FAIM: variants seen among roughly 807,000 people sequenced by gnomAD.
FAIM encodes the protein fas apoptotic inhibitory molecule 1.
Under a neutral mutation model 21.2 loss-of-function variants are expected in FAIM, and 14 were observed. The observed-to-expected ratio is 0.66, with a 90% CI of 0.44 to 1.03. FAIM has a LOEUF of 1.03. Among genes scored for constraint, FAIM ranks in the 50% least tolerant of loss-of-function variants. The probability of loss-of-function intolerance (pLI) is 0.00; values close to 1 mark genes in which losing one functional copy is unlikely to be tolerated. For missense variants in FAIM, 222 were observed against 247.1 expected (o/e 0.90, Z 0.68); for synonymous variants, 86 against 80.4 (o/e 1.07, Z -0.37).
At chr3:138,621,366 G>A in intron 2 of FAIM, 41 bp from the exon 3 acceptor site, 1 of 1,586,028 alleles carries the variant, frequency 6.3e-7, no homozygotes, top group Non-Finnish European at 8.6e-7. Flanking sequence ...TATTTAATTA[G>A]TATTTTGGCC....
intron 1 of FAIM, among the ~76,000 whole-genome samples, chr3:138,610,450 AT>A (rs2042755061): frequency 6.6e-6 from 1 of 152,222 alleles, no homozygotes; most frequent in Admixed American, 6.5e-5. Context: ...TTAAATTTAC[AT>A]TTTAATAAAA....
At chr3:138,615,207 G>A (rs2042814079) in intron 1 of FAIM, among the ~76,000 whole-genome samples, 1 of 152,184 alleles carries the variant, frequency 6.6e-6, no homozygotes. Flanking sequence ...TAGTGAAAGT[G>A]AATGGTTGTA....
In FAIM at chr3:138,633,086, T is replaced by C; in HGVS notation, c.*7T>C. 3 of 1,612,052 alleles carry C rather than the reference T, an allele frequency of 1.9e-6. No homozygotes were observed. Among genetic ancestry groups the C allele is most frequent in the Non-Finnish European group, 2.5e-6 (3 of 1,178,976 alleles). On this transcript the variant is annotated 3_prime_UTR_variant, in exon 6 of 6. Coordinates refer to ENST00000360570, the MANE Select transcript of FAIM (RefSeq NM_001033031.2). ...CCCAGAGATTGCAAGTTAATGAATT[T>C]TCATCTTAAGAAGTAAAGATCAGGA...
At chr3:138,632,277 T>C (rs575548824) in intron 5 of FAIM, among the ~76,000 whole-genome samples, 3 of 152,044 alleles carry the variant, frequency 2.0e-5, no homozygotes, top group Non-Finnish European at 4.4e-5. Flanking sequence ...TAACATGTAA[T>C]CAGTATAAAA....
At chr3:138,611,965 G>A (rs2108332471) in intron 1 of FAIM, among the ~76,000 whole-genome samples, 1 of 152,240 alleles carries the variant, frequency 6.6e-6, no homozygotes, top group Non-Finnish European at 1.5e-5. Flanking sequence ...CAGCATGAAA[G>A]AGACTGAGAC....
intron 5 of FAIM, among the ~76,000 whole-genome samples, chr3:138,632,673 C>G (rs1237627292): frequency 6.6e-6 from 1 of 152,064 alleles, no homozygotes; most frequent in Non-Finnish European, 1.5e-5. Context: ...AACATAGACA[C>G]ATAGTCATGA....
At chr3:138,612,081 A>AT (rs1364175483) in intron 1 of FAIM, among the ~76,000 whole-genome samples, 6 of 141,590 alleles carry the variant, frequency 4.2e-5, no homozygotes, top group Non-Finnish European at 6.1e-5. Flanking sequence ...CATATTTGTC[A>AT]TTTTTTGTCT....
At chr3:138,614,042 G>A (rs1164258360) in intron 1 of FAIM, among the ~76,000 whole-genome samples, 1 of 152,200 alleles carries the variant, frequency 6.6e-6, no homozygotes, top group Non-Finnish European at 1.5e-5. Flanking sequence ...CTGTTGAAGA[G>A]ACTATTCTTT....
intron 4 of FAIM, among the ~76,000 whole-genome samples, chr3:138,625,808 G>T (rs778060676): frequency 6.6e-6 from 1 of 152,194 alleles, no homozygotes; most frequent in Non-Finnish European, 1.5e-5. Flanking sequence ...GAAGCTCAGA[G>T]TGGTGGTGAC....
intron 5 of FAIM, chr3:138,630,436 T>C (rs1207079496): frequency 6.6e-6 from 1 of 152,136 alleles, no homozygotes; most frequent in Non-Finnish European, 1.5e-5. Context: ...CTGAGCAACA[T>C]AGTGAGACCC....
At chr3:138,609,551 T>TCCCTCCCTCTC (rs1432444891) in intron 1 of FAIM, among the ~76,000 whole-genome samples, 2 of 69,260 alleles carry the variant, frequency 2.9e-5, no homozygotes, top group Non-Finnish European at 5.9e-5. Context: ...TCTCTCTCTC[T>TCCCTCCCTCTC]CTCTCTCTCT....
intron 5 of FAIM, among the ~76,000 whole-genome samples, chr3:138,632,179 T>TTAA (rs2043012782): frequency 6.6e-6 from 1 of 151,240 alleles, no homozygotes; most frequent in African/African-American, 2.4e-5. Flanking sequence ...ATGTGTAATT[T>TTAA]TAATTTATCT....
At chr3:138,625,080 C>A (rs929132152) in intron 4 of FAIM, among the ~76,000 whole-genome samples, 3 of 151,850 alleles carry the variant, frequency 2.0e-5, no homozygotes, top group Non-Finnish European at 2.9e-5. Flanking sequence ...GCGAGAGGAT[C>A]ACTTGAGCCT....
intron 3 of FAIM, 34 bp from the exon 4 acceptor site, chr3:138,622,154 C>T: frequency 6.7e-7 from 1 of 1,493,516 alleles, no homozygotes; most frequent in Non-Finnish European, 9.1e-7. Flanking sequence ...ATTTTTCTTC[C>T]ATTTGTTTCA....
chr3:138,632,114 C>T (rs1338759731), intron 5 of FAIM, among the ~76,000 whole-genome samples: 1 of 151,250 alleles, frequency 6.6e-6, no homozygotes, highest in Non-Finnish European at 1.5e-5. Context: ...AATCTTTTTA[C>T]TCTAGATCAC....
In FAIM at chr3:138,613,078, G is replaced by A. The variant is rs186341565; in HGVS notation, c.-17+4141G>A. Among the ~76,000 whole-genome samples the A allele has an allele frequency of 2.0e-5, 3 of 149,588 alleles. No homozygotes were observed. The East Asian group carries it at 5.9e-4, about 30-fold the overall frequency. ...TGCCCAGGCTGGAGTGCAATGGCAT[G>A]ATCTTGGTTTACTGCAGCCTCCGCC... On this transcript the variant is annotated intron_variant, in intron 1 of 5. Coordinates refer to ENST00000360570, the MANE Select transcript of FAIM (RefSeq NM_001033031.2).
At chr3:138,624,448 C>G (rs528707723) in intron 4 of FAIM, among the ~76,000 whole-genome samples, 1 of 152,126 alleles carries the variant, frequency 6.6e-6, no homozygotes, top group Non-Finnish European at 1.5e-5. Flanking sequence ...TGCTTTTACT[C>G]CTTGTCTGCC....
chr3:138,629,080 CTT>C (rs748581773), intron 4 of FAIM, 25 bp from the exon 5 acceptor site: 1 of 1,552,982 alleles, frequency 6.4e-7, no homozygotes, highest in Admixed American at 1.8e-5. Context: ...AGAATTATAA[CTT>C]AAAGTTTTTA....
intron 1 of FAIM, among the ~76,000 whole-genome samples, chr3:138,615,831 A>G (rs2042820506): frequency 6.6e-6 from 1 of 152,208 alleles, no homozygotes; most frequent in Non-Finnish European, 1.5e-5. Context: ...TAAAGTGGTG[A>G]AATTGGAATG....
Sources: gnomAD v4.1 joint callset for allele counts (sites outside exome capture counted in the v4.1 genomes callset) on GRCh38, gnomAD v4.1.1 for gene constraint, MANE v1.5 for transcripts, NCBI Gene and HGNC (gene_info 2026-07-23, HGNC 2026-07-21) for gene names.